Variants in LIPE observed in about 807,000 individuals in gnomAD.
LIPE encodes the protein lipase E, hormone sensitive type.
LIPE carries 66 observed loss-of-function variants against 88.5 expected under a neutral mutation model. The observed-to-expected ratio is 0.75, with a 90% CI of 0.61 to 0.91. The LOEUF (loss-of-function observed/expected upper bound fraction) is 0.91, where lower values mean the gene tolerates loss of function less well. Among genes scored for constraint, LIPE ranks in the 40% least tolerant of loss-of-function variants. LIPE has a pLI of 0.00. For missense variants in LIPE, 1,346 were observed against 1,434.7 expected (o/e 0.94, Z 1.00); for synonymous variants, 570 against 617.5 (o/e 0.92, Z 1.14).
intron 1 of LIPE, among the ~76,000 whole-genome samples, chr19:42,422,813 GA>G (rs1233111156): frequency 1.3e-5 from 2 of 152,168 alleles, no homozygotes; most frequent in Non-Finnish European, 2.9e-5. Context: ...CGTTGTCCTG[GA>G]AAGGGTAGGG....
intron 1 of LIPE, among the ~76,000 whole-genome samples, chr19:42,413,786 G>C (rs1255109844): frequency 6.6e-6 from 1 of 152,232 alleles, no homozygotes; most frequent in Non-Finnish European, 1.5e-5. Context: ...CATCCCCCAG[G>C]TGGCCCTGGG....
chr19:42,408,057 A>T lies in LIPE; in HGVS notation c.1575T>A (p.Ala525=), dbSNP rs761762728. The T allele has an allele frequency of 1.9e-6, 3 of 1,613,790 alleles. No homozygotes were observed. The Admixed American group carries it at 5.0e-5, about 27-fold the overall frequency. The change falls in exon 4 of 10, where the codon GCT becomes GCA. Residue 525 remains alanine, a synonymous_variant. Coordinates refer to ENST00000244289, the MANE Select transcript of LIPE (RefSeq NM_005357.4). The surrounding 1 kb of genome is among the most constrained non-coding windows in gnomAD (Gnocchi z 4.3). ...GGTTCTGTGTGATCCGCTCAAACTC[A>T]GCCCCACGCAGCTCGGGGTCGATGG... is the stretch of plus-strand genomic sequence containing the variant. ...RFAIDPELRG[A]EFERITQNLD...
Position 42,407,484 on chromosome 19 carries a change from G to A in LIPE, c.1843-16C>T. 2.5e-6 allele frequency: 4 copies of A among 1,602,496 alleles called. No individual in the cohort carries two copies. Among genetic ancestry groups the A allele is most frequent in the Non-Finnish European group, 3.4e-6 (4 of 1,172,042 alleles). On this transcript the variant is annotated splice_polypyrimidine_tract_variant and intron_variant, in intron 5 of 9. Transcript: ENST00000244289. The surrounding 1 kb of genome is among the most constrained non-coding windows in gnomAD (Gnocchi z 5.8). The stretch of plus-strand genomic sequence containing the variant: ...CCTCACTGTCCTGGGGGTGAGGAGG[G>A]AGACGGTGTGTGAGGTTGGGGAGAG...
In LIPE at chr19:42,407,946, TCA is replaced by T. The variant is rs2040241416; in HGVS notation, c.1656+28_1656+29del. On this transcript the variant is annotated intron_variant, in intron 4 of 9. Transcript: ENST00000244289. This position sits in a 1 kb window ranked among gnomAD's most constrained non-coding sequence, Gnocchi z 5.8. ...GTGGCCTCAGATGAGTCTCTGGGCC[TCA>T]GTGTCCCCATCTGCAACAGGCCCTC... 1.2e-6 allele frequency: 2 copies of T among 1,604,168 alleles called. No individual in the cohort carries two copies. The highest frequency in any genetic ancestry group is 1.7e-6 in the Non-Finnish European group (2 of 1,176,622).
intron 1 of LIPE, among the ~76,000 whole-genome samples, chr19:42,417,084 C>T (rs1052610576): frequency 1.3e-5 from 2 of 152,100 alleles, no homozygotes; most frequent in African/African-American, 4.8e-5. Flanking sequence ...CCACACCTGG[C>T]TAATTTTTTG....
Position 42,407,162 on chromosome 19 carries a change from C to T in LIPE, c.2137+12G>A. 1.3e-6 allele frequency: 2 copies of T among 1,483,828 alleles called. No homozygotes were observed. Among genetic ancestry groups the T allele is most frequent in the Non-Finnish European group, 1.8e-6 (2 of 1,114,324 alleles). The allele number at this position is 1,483,828 out of a possible 1,614,324, so 91.9% of individuals were successfully genotyped here. A position where few individuals can be genotyped will look rare whatever the true frequency, so the allele number is the denominator to read the frequency against. ...GAGCAGGCGCAGGTGGCTGTGGGGG[C>T]CTGAGGCTCACCAAGGAGGGCGCAG... On this transcript the variant is annotated intron_variant, in intron 6 of 9. Transcript: ENST00000244289. The surrounding 1 kb of genome is among the most constrained non-coding windows in gnomAD (Gnocchi z 5.8).
intron 1 of LIPE, among the ~76,000 whole-genome samples, chr19:42,419,622 C>G (rs1042326429): frequency 1.4e-5 from 2 of 145,010 alleles, no homozygotes; most frequent in African/African-American, 5.1e-5. Context: ...TTTCTTTGCC[C>G]TGAAGAGTTT....
rs1170375922 is a variant in LIPE at position 42,406,207 on chromosome 19, G to A, written c.2319C>T (p.Pro773=). 5 of 1,613,464 alleles carry A rather than the reference G, an allele frequency of 3.1e-6. No individual in the cohort carries two copies. The highest frequency in any genetic ancestry group is 2.2e-5 in the South Asian group (2 of 91,062). The part of the protein sequence containing the change: ...SPSRLLSLMD[P]LLPLSVLSKC... ...TGGAGAGCACACTGAGGGGCAGCAA[G>A]GGGTCCATGAGGCTCAGCAGGCGGG... is the stretch of plus-strand genomic sequence containing the variant. Residue 773 remains proline, a synonymous_variant, in exon 7 of 10, where the codon CCC becomes CCT. Coordinates refer to ENST00000244289, the MANE Select transcript of LIPE (RefSeq NM_005357.4). This position sits in a 1 kb window ranked among gnomAD's most constrained non-coding sequence, Gnocchi z 5.7.
Position 42,402,877 on chromosome 19 carries a change from C to A in LIPE, c.2697G>T (p.Glu899Asp), listed in dbSNP as rs375072131. 5.0e-5 allele frequency: 80 copies of A among 1,613,680 alleles called. No homozygotes were observed. The highest frequency in any genetic ancestry group is 6.0e-5 in the Non-Finnish European group (71 of 1,179,978). ...SDTPEMSLSA[E>D]TLSPSTPSDV... ...CGGAGGGTGTGGAGGGGCTAAGTGT[C>A]TCAGCTGACAGCGACATCTCGGGGG... Residue 899 changes from glutamate (E) to aspartate (D), a missense_variant, in exon 9 of 10, where the codon GAG becomes GAT. By Grantham distance (45) the Glu-to-Asp change is conservative. Coordinates refer to ENST00000244289, the MANE Select transcript of LIPE (RefSeq NM_005357.4).
rs112976944 is a variant in LIPE, at chr19:42,403,290, T to A, written c.2543-259A>T. Among the ~76,000 whole-genome samples, 966 of 131,404 alleles carry A rather than the reference T, an allele frequency of 7.4e-3. 27 individuals carry two copies. Among genetic ancestry groups the A allele is most frequent in the African/African-American group, 0.025 (816 of 32,670 alleles). The allele number at this position is 131,404 out of a possible 152,430, so 86.2% of individuals were successfully genotyped here. ...GTGTGTGTGTGTGTGTGTGTGTGTG[T>A]GTGACTGGGAAGATTAGGTGCAGTT... is the stretch of plus-strand genomic sequence containing the variant. On this transcript the variant is annotated intron_variant, in intron 8 of 9. Transcript: ENST00000244289.
Position 42,420,670 on chromosome 19 carries a change from C to G in LIPE, c.883+5597G>C, listed in dbSNP as rs184971493. Among the ~76,000 whole-genome samples, 16 of 152,258 alleles carry G rather than the reference C, an allele frequency of 1.1e-4. No homozygotes were observed. In the East Asian group the frequency reaches 2.7e-3, roughly 26 times the overall value. ...TGGAACCTGGCCCTTCTCCCCACCT[C>G]CACTGCCTCCTCCCTGGTCCAGGCG... On this transcript the variant is annotated intron_variant, in intron 1 of 9. Transcript: ENST00000244289.
chr19:42,402,053 A>G lies in LIPE; in HGVS notation c.2990T>C (p.Leu997Pro). 6.6e-7 allele frequency: 1 copy of G among 1,512,776 alleles called. No homozygotes were observed. The highest frequency in any genetic ancestry group is 8.9e-7 in the Non-Finnish European group (1 of 1,128,812). The allele number at this position is 1,512,776 out of a possible 1,614,324, so 93.7% of individuals were successfully genotyped here. Residue 997 changes from leucine (L) to proline (P), a missense_variant, in exon 10 of 10, where the codon CTG (leucine) becomes CCG (proline). By Grantham distance (98) the Leu-to-Pro change is moderately conservative. Coordinates refer to ENST00000244289, the MANE Select transcript of LIPE (RefSeq NM_005357.4). ...CCGCGCGAGCATGACCGAGTCGTCC[A>G]GCATGGGGTCCAGCGCGCACGCCTA... Reference protein sequence around the residue: ...HIVACALDPMLDDSVMLARRL... With the variant: ...HIVACALDPMPDDSVMLARRL...
rs572233712 is a variant in LIPE at position 42,407,764 on chromosome 19, C to T, written c.1684G>A (p.Val562Met). 39 of 1,550,942 alleles carry T rather than the reference C, an allele frequency of 2.5e-5. No homozygotes were observed. The highest frequency in any genetic ancestry group is 3.0e-5 in the Non-Finnish European group (34 of 1,148,280). Reference sequence around the variant, plus strand: ...AGGCTGAGCAGGCGGCTTACCCTCACGGTGGCCGATGCCATGTTGGCCAGA... The same window carrying T: ...AGGCTGAGCAGGCGGCTTACCCTCATGGTGGCCGATGCCATGTTGGCCAGA... ...SSLANMASATVRVSRLLSLPP... is the reference protein window; with the variant it reads ...SSLANMASATMRVSRLLSLPP... Residue 562 changes from valine (V) to methionine (M), a missense_variant, in exon 5 of 10, where the codon GTG becomes ATG. By Grantham distance (21) the Val-to-Met change is conservative. Transcript: ENST00000244289. The surrounding 1 kb of genome is among the most constrained non-coding windows in gnomAD (Gnocchi z 5.8).
rs1280441706 is a variant in LIPE, at chr19:42,414,286, G to T, written c.884-3444C>A. ...AGACTCTGTCAGAAAAGAAAGGAAA[G>T]AAAGAAAGGAAAGGAAGGAAAGAAA... On this transcript the variant is annotated intron_variant, in intron 1 of 9. Transcript: ENST00000244289. This position sits in a 1 kb window ranked among gnomAD's most constrained non-coding sequence, Gnocchi z 4.6. Among the ~76,000 whole-genome samples the T allele has an allele frequency of 6.6e-6, 1 of 151,744 alleles. No individual in the cohort carries two copies. Among genetic ancestry groups the T allele is most frequent in the African/African-American group, 2.4e-5 (1 of 41,302 alleles).
chr19:42,411,322 G>C (rs2040369960), intron 1 of LIPE: 1 of 984,916 alleles, frequency 1.0e-6, no homozygotes, highest in Admixed American at 6.2e-5. Context: ...AGGAACCCAA[G>C]AGTCTAGTCA....
At chr19:42,426,125 T>TTC (rs1021735120) in intron 1 of LIPE, 142 bp downstream of exon 1, 1 of 471,324 alleles carries the variant, frequency 2.1e-6, no homozygotes, top group Non-Finnish European at 3.3e-6. Context: ...TTTTTTTTTT[T>TTC]AATAATGGGG....
chr19:42,413,429 G>T (rs907831483), intron 1 of LIPE, among the ~76,000 whole-genome samples: 8 of 152,228 alleles, frequency 5.3e-5, no homozygotes, highest in Admixed American at 5.2e-4. Flanking sequence ...ATTTTGGGAG[G>T]CCGAGGCGGG....
intron 1 of LIPE, chr19:42,412,364 C>G: frequency 1.0e-6 from 1 of 985,884 alleles, no homozygotes; most frequent in Non-Finnish European, 1.2e-6. Flanking sequence ...TGGACACTCA[C>G]CCCTCCTAGG....
At position 42,407,317 on chromosome 19, in the gene LIPE, G is replaced by T. The variant is rs1407217112; in HGVS notation, c.1994C>A (p.Pro665His). 1.2e-6 allele frequency: 2 copies of T among 1,611,886 alleles called. No homozygotes were observed. Among genetic ancestry groups the T allele is most frequent in the Non-Finnish European group, 8.5e-7 (1 of 1,179,268 alleles). The change falls in exon 6 of 10, where the codon CCC (proline) becomes CAC (histidine). Residue 665 changes from proline to histidine, a missense_variant. Physicochemically the swap from Pro to His is moderately conservative, Grantham distance 77. Transcript: ENST00000244289. This position sits in a 1 kb window ranked among gnomAD's most constrained non-coding sequence, Gnocchi z 5.8. ...CTCCTGGGCCCAGCTCTTGAGGTAGGGCTCGTGGGATCTGGAGGTCTGGGC... is the reference window on the plus strand; with the variant it reads ...CTCCTGGGCCCAGCTCTTGAGGTAGTGCTCGTGGGATCTGGAGGTCTGGGC... ...FVAQTSRSHE[P>H]YLKSWAQELG...
Sources: gnomAD v4.1 joint callset for allele counts (sites outside exome capture counted in the v4.1 genomes callset) on GRCh38, gnomAD v4.1.1 for gene constraint, Gnocchi (gnomAD v3.1) non-coding constraint, MANE v1.5 for transcripts, NCBI Gene and HGNC (gene_info 2026-07-23, HGNC 2026-07-21) for gene names.